The following CA10 variants were observed in gnomAD, a reference collection of about 807,000 sequenced individuals.
CA10 encodes carbonic anhydrase 10 (inactive), also known as carbonic anhydrase-related protein 10.
Under a neutral mutation model 44.2 loss-of-function variants are expected in CA10, and 14 were observed. That is an observed-to-expected ratio of 0.32 (90% CI 0.21 to 0.50). CA10 has a LOEUF of 0.50. CA10 is among the 20% of genes least tolerant of loss of function. The pLI is 0.99. For synonymous variants in CA10, 159 were observed against 141.6 expected, an observed-to-expected ratio of 1.12 and a Z score of -0.87; for missense variants, 350 against 409.7, an observed-to-expected ratio of 0.85 and a Z score of 1.26.
At chr17:51,940,742 C>T (rs1367274293) in intron 2 of CA10, among the ~76,000 whole-genome samples, 3 of 151,622 alleles carry the variant, frequency 2.0e-5, no homozygotes, top group Non-Finnish European at 4.4e-5. Flanking sequence ...GTTGTTCTGG[C>T]TCCAGATTCC....
intron 2 of CA10, among the ~76,000 whole-genome samples, chr17:51,945,357 C>G (rs1983234279): frequency 6.6e-6 from 1 of 152,114 alleles, no homozygotes; most frequent in Non-Finnish European, 1.5e-5. Flanking sequence ...GGTAAATATC[C>G]TTGCTGGGAG....
At chr17:51,936,017 G>C (rs1982851058) in intron 2 of CA10, among the ~76,000 whole-genome samples, 2 of 152,154 alleles carry the variant, frequency 1.3e-5, no homozygotes, top group African/African-American at 4.8e-5. Context: ...ATTTGCTGCT[G>C]TGGGCAGGAT....
intron 3 of CA10, among the ~76,000 whole-genome samples, chr17:51,914,632 G>A (rs1445262402): frequency 6.6e-6 from 1 of 152,120 alleles, no homozygotes; most frequent in Admixed American, 6.5e-5. Context: ...CATCCCTCAT[G>A]CTCTCAAAAC....
At chr17:52,125,823 T>C (rs1484287868) in intron 1 of CA10, among the ~76,000 whole-genome samples, 1 of 152,092 alleles carries the variant, frequency 6.6e-6, no homozygotes, top group Non-Finnish European at 1.5e-5. Flanking sequence ...TGGGGGTGAC[T>C]GATGTTTGGG....
At chr17:51,878,371 T>C (rs185988471) in intron 3 of CA10, among the ~76,000 whole-genome samples, 106 of 152,182 alleles carry the variant, frequency 7.0e-4, no homozygotes, top group Non-Finnish European at 1.1e-3. Context: ...GTAGGAAGTA[T>C]GACCCTAAGA....
At chr17:51,968,228 C>G (rs1317066415) in intron 2 of CA10, among the ~76,000 whole-genome samples, 3 of 151,820 alleles carry the variant, frequency 2.0e-5, no homozygotes, top group Non-Finnish European at 4.4e-5. Context: ...GAAATGAACA[C>G]TATGTTAAAT....
chr17:52,087,773 C>T (rs1382565715), intron 1 of CA10, among the ~76,000 whole-genome samples: 1 of 152,034 alleles, frequency 6.6e-6, no homozygotes, highest in Non-Finnish European at 1.5e-5. Flanking sequence ...TAGAATTATA[C>T]ATGTGAAAGG....
At chr17:52,132,343 T>C (rs898528485) in intron 1 of CA10, among the ~76,000 whole-genome samples, 1 of 152,074 alleles carries the variant, frequency 6.6e-6, no homozygotes, top group Admixed American at 6.6e-5. Context: ...ATGGTCCAGA[T>C]GTGGCAGACA....
intron 1 of CA10, among the ~76,000 whole-genome samples, chr17:52,072,625 G>C (rs1683956885): frequency 6.7e-6 from 1 of 149,250 alleles, no homozygotes; most frequent in African/African-American, 2.5e-5. Context: ...ATGTTAAAGA[G>C]ATAGTAATTA....
intron 1 of CA10, among the ~76,000 whole-genome samples, chr17:52,078,712 G>A (rs1285454362): frequency 6.6e-6 from 1 of 152,140 alleles, no homozygotes; most frequent in East Asian, 1.9e-4. Context: ...TGTTCTAAGT[G>A]GGAAGCAGGA....
At chr17:51,894,091 G>A (rs1331507857) in intron 3 of CA10, among the ~76,000 whole-genome samples, 1 of 152,040 alleles carries the variant, frequency 6.6e-6, no homozygotes, top group Non-Finnish European at 1.5e-5. Flanking sequence ...GAATACTGAG[G>A]AATTTCTGAA....
chr17:51,855,219 A>G (rs1270818835), intron 3 of CA10, among the ~76,000 whole-genome samples: 1 of 152,206 alleles, frequency 6.6e-6, no homozygotes, highest in Non-Finnish European at 1.5e-5. Flanking sequence ...AAGAGGTAAA[A>G]TAGTTACTGT....
At chr17:52,135,493 A>T (rs764493893) in intron 1 of CA10, among the ~76,000 whole-genome samples, 5 of 152,146 alleles carry the variant, frequency 3.3e-5, no homozygotes, top group Non-Finnish European at 7.3e-5. Flanking sequence ...ATTGCACAGG[A>T]CCACGTTTCT....
At chr17:52,002,167 C>T (rs573757231) in intron 2 of CA10, among the ~76,000 whole-genome samples, 93 of 151,434 alleles carry the variant, frequency 6.1e-4, no homozygotes, top group Non-Finnish European at 1.1e-3. Flanking sequence ...CAAACCTGTA[C>T]ATTGTGCACA....
At chr17:51,796,162 A>G (rs185294434) in intron 3 of CA10, among the ~76,000 whole-genome samples, 37 of 151,952 alleles carry the variant, frequency 2.4e-4, no homozygotes, top group African/African-American at 8.5e-4. Context: ...GACCCCTAAC[A>G]TGGAGTTAGA....
intron 2 of CA10, among the ~76,000 whole-genome samples, chr17:52,071,624 T>A (rs553090194): frequency 8.5e-5 from 13 of 152,304 alleles, no homozygotes; most frequent in African/African-American, 3.1e-4. Context: ...TTCTCACATC[T>A]GAGCAGTTAA....
intron 2 of CA10, among the ~76,000 whole-genome samples, chr17:52,042,503 C>T (rs1986799082): frequency 6.6e-6 from 1 of 151,824 alleles, no homozygotes; most frequent in African/African-American, 2.4e-5. Context: ...TAGATATTAA[C>T]CATTTATCAG....
chr17:51,928,441 C>G (rs1982516346), intron 3 of CA10, among the ~76,000 whole-genome samples: 1 of 151,990 alleles, frequency 6.6e-6, no homozygotes, highest in South Asian at 2.1e-4. Context: ...TAAGGAAAGC[C>G]CTTGTTCCTT....
chr17:52,157,545 C>T (rs1389207434), intron 1 of CA10, among the ~76,000 whole-genome samples, 181 bp downstream of exon 1: 1 of 123,002 alleles, frequency 8.1e-6, no homozygotes, highest in African/African-American at 3.3e-5. Context: ...CCCCGCAAAA[C>T]ACACACATTC....
Sources: allele counts gnomAD v4.1 joint callset (sites outside exome capture counted in the v4.1 genomes callset), GRCh38; gene constraint gnomAD v4.1.1; transcripts MANE v1.5; gene names NCBI Gene and HGNC (gene_info 2026-07-23, HGNC 2026-07-21).